The following LRRK1 variants were observed in gnomAD, a reference collection of about 807,000 sequenced individuals.
LRRK1 encodes leucine rich repeat kinase 1.
Under a neutral mutation model 209.1 loss-of-function variants are expected in LRRK1, and 113 were observed. The ratio of observed to expected loss-of-function variants is 0.54; its 90% CI spans 0.46 to 0.63. The LOEUF (loss-of-function observed/expected upper bound fraction) is 0.63, where lower values mean the gene tolerates loss of function less well. LRRK1 is among the 30% of genes least tolerant of loss of function. The pLI is 0.00. For synonymous variants in LRRK1, 1,144 were observed against 1,099.7 expected (o/e 1.04, Z -0.80); for missense variants, 2,284 against 2,632.2 (o/e 0.87, Z 2.89).
chr15:100,983,285 T>C (rs1004513367), intron 3 of LRRK1, among the ~76,000 whole-genome samples: 3 of 152,228 alleles, frequency 2.0e-5, no homozygotes, highest in African/African-American at 7.2e-5. Flanking sequence ...ACATAAATTA[T>C]TGATGAGCTA....
intron 31 of LRRK1, among the ~76,000 whole-genome samples, chr15:101,063,881 G>A (rs1046199862): frequency 1.1e-4 from 16 of 151,816 alleles, no homozygotes; most frequent in African/African-American, 3.1e-4. Flanking sequence ...GCGAGGCTAC[G>A]CAGCTTGGGA....
rs1470970844 is a variant in LRRK1, at chr15:100,934,692, C to G, written c.97+9963C>G. Among the ~76,000 whole-genome samples the G allele has an allele frequency of 5.6e-5, 8 of 142,662 alleles. No individual in the cohort carries two copies. The East Asian group carries it at 1.4e-3, about 26-fold the overall frequency. 93.6% of individuals were successfully genotyped at this position (142,662 alleles called of 152,430 possible). A position where few individuals can be genotyped will look rare whatever the true frequency, so the allele number is the denominator to read the frequency against. ...AGGCACACACCTGTGGTCCCAGCTACTTGGGGGTGCTGAGGTGGGAGGATT... is the reference window on the plus strand; with the variant it reads ...AGGCACACACCTGTGGTCCCAGCTAGTTGGGGGTGCTGAGGTGGGAGGATT... On this transcript the variant is annotated intron_variant, in intron 2 of 33. Coordinates refer to ENST00000388948, the MANE Select transcript of LRRK1 (RefSeq NM_024652.6).
chr15:100,967,959 A>G (rs1353046289), intron 2 of LRRK1, among the ~76,000 whole-genome samples: 2 of 152,226 alleles, frequency 1.3e-5, no homozygotes, highest in African/African-American at 4.8e-5. Context: ...ATAAGTTTTG[A>G]CAAATACAGC....
chr15:101,074,896 C>A lies in LRRK1; in HGVS notation c.*6048C>A, dbSNP rs541847278. ...GCCGTGTCCCATCTGTGCGGGACCC[C>A]ACTGGAAATCGGACTGTCCAACTCA... is the stretch of plus-strand genomic sequence containing the variant. On this transcript the variant is annotated 3_prime_UTR_variant, in exon 34 of 34. Coordinates refer to ENST00000388948, the MANE Select transcript of LRRK1 (RefSeq NM_024652.6). The A allele has an allele frequency of 5.9e-5, 9 of 151,816 alleles. No homozygotes were observed. The highest frequency in any genetic ancestry group is 3.4e-3 in the Middle Eastern group (1 of 294). 9.4% of individuals were successfully genotyped at this position (151,816 alleles called of 1,614,324 possible).
At chr15:101,048,853 GC>G (rs1187692368) in intron 22 of LRRK1, among the ~76,000 whole-genome samples, 196 bp downstream of exon 22, 3 of 150,418 alleles carry the variant, frequency 2.0e-5, no homozygotes, top group Admixed American at 6.6e-5. Flanking sequence ...CCCCTGCTGA[GC>G]CCCCCTTGCA....
chr15:100,942,811 G>C (rs954748061), intron 2 of LRRK1, among the ~76,000 whole-genome samples: 1 of 152,136 alleles, frequency 6.6e-6, no homozygotes, highest in African/African-American at 2.4e-5. Context: ...GTCCCCCTCT[G>C]GTTCTGTTGG....
chr15:100,972,480 G>C (rs1400180583), intron 2 of LRRK1, among the ~76,000 whole-genome samples: 1 of 151,092 alleles, frequency 6.6e-6, no homozygotes, highest in African/African-American at 2.4e-5. Context: ...TGTTTTTCAA[G>C]AAAACTTATT....
chr15:100,944,583 C>T (rs568172138), intron 2 of LRRK1, among the ~76,000 whole-genome samples: 1 of 152,318 alleles, frequency 6.6e-6, no homozygotes, highest in East Asian at 1.9e-4. Flanking sequence ...CTACCAGCTA[C>T]GGAGGACTCC....
intron 6 of LRRK1, 55 bp from the exon 7 acceptor site, chr15:101,008,782 A>G (rs2033100763): frequency 5.2e-6 from 7 of 1,350,288 alleles, no homozygotes; most frequent in Admixed American, 1.7e-5. Flanking sequence ...TTCCAAGCCC[A>G]TGTGGGCCCT....
In LRRK1 at chr15:101,071,602, A is replaced by C. The variant is rs12911171; in HGVS notation, c.*2754A>C. The C allele has an allele frequency of 0.66, 101,070 of 152,038 alleles. 34,090 individuals carry two copies. The highest frequency in any genetic ancestry group is 0.79 in the African/African-American group (32,965 of 41,474). The allele number at this position is 152,038 out of a possible 1,614,324, so 9.4% of individuals were successfully genotyped here. A position where few individuals can be genotyped will look rare whatever the true frequency, so the allele number is the denominator to read the frequency against. On this transcript the variant is annotated 3_prime_UTR_variant, in exon 34 of 34. Transcript: ENST00000388948. ...ACGGGGTTTCACCATGTTGGCCAGG[A>C]TGGTCTTGAACTCCTGAGCTCAGGT...
chr15:101,017,015 G>T (rs984327560), intron 12 of LRRK1, among the ~76,000 whole-genome samples: 9 of 152,220 alleles, frequency 5.9e-5, no homozygotes, highest in Non-Finnish European at 1.3e-4. Flanking sequence ...GTATGGAGCT[G>T]TCCCTTTCAT....
rs1752422830 is a variant in LRRK1, at chr15:101,073,726, T to C, written c.*4878T>C. On this transcript the variant is annotated 3_prime_UTR_variant, in exon 34 of 34. Transcript: ENST00000388948. ...ACCCCTTTCCCACTTTTCTGGAGAG[T>C]AAGAACCCCTGAACCGCTTCTCTCC... 6.6e-6 allele frequency: 1 copy of C among 151,222 alleles called. No homozygotes were observed. The highest frequency in any genetic ancestry group is 6.6e-5 in the Admixed American group (1 of 15,160). The allele number at this position is 151,222 out of a possible 1,614,324, so 9.4% of individuals were successfully genotyped here. A position where few individuals can be genotyped will look rare whatever the true frequency, so the allele number is the denominator to read the frequency against.
At chr15:101,023,605 CTG>C (rs1212862885) in intron 15 of LRRK1, among the ~76,000 whole-genome samples, 1 of 152,238 alleles carries the variant, frequency 6.6e-6, no homozygotes, top group African/African-American at 2.4e-5. Context: ...GGCTGCTTCA[CTG>C]TGGAAAACTG....
At chr15:100,963,687 G>A (rs2030250387) in intron 2 of LRRK1, among the ~76,000 whole-genome samples, 1 of 152,206 alleles carries the variant, frequency 6.6e-6, no homozygotes, top group Non-Finnish European at 1.5e-5. Flanking sequence ...ATGCCTAGAA[G>A]AGAAAACCGT....
At chr15:100,934,832 A>G (rs2042272174) in intron 2 of LRRK1, among the ~76,000 whole-genome samples, 1 of 150,426 alleles carries the variant, frequency 6.6e-6, no homozygotes, top group African/African-American at 2.4e-5. Context: ...AGGAAGGAAG[A>G]AGAAAACCAG....
chr15:100,972,207 C>A (rs1403854754), intron 2 of LRRK1, among the ~76,000 whole-genome samples: 1 of 152,024 alleles, frequency 6.6e-6, no homozygotes, highest in East Asian at 1.9e-4. Flanking sequence ...AAGTAATCTG[C>A]CTGCCTCGGA....
At chr15:101,030,938 A>G (rs1385730943) in intron 20 of LRRK1, among the ~76,000 whole-genome samples, 2 of 152,012 alleles carry the variant, frequency 1.3e-5, no homozygotes, top group African/African-American at 4.8e-5. Context: ...CCCAAAGTCC[A>G]TTGTGTCATT....
intron 2 of LRRK1, among the ~76,000 whole-genome samples, chr15:100,970,311 TA>T (rs1264909100): frequency 6.6e-6 from 1 of 152,220 alleles, no homozygotes; most frequent in Non-Finnish European, 1.5e-5. Flanking sequence ...CTCAAGATGA[TA>T]TTTGTATATG....
intron 2 of LRRK1, among the ~76,000 whole-genome samples, chr15:100,972,744 C>T (rs1422905108): frequency 6.6e-6 from 1 of 152,132 alleles, no homozygotes; most frequent in Non-Finnish European, 1.5e-5. Flanking sequence ...GCTTGGTCAC[C>T]TTTCACAACA....
Sources: gnomAD v4.1 joint callset for allele counts (sites outside exome capture counted in the v4.1 genomes callset) on GRCh38, gnomAD v4.1.1 for gene constraint, MANE v1.5 for transcripts, NCBI Gene and HGNC (gene_info 2026-07-23, HGNC 2026-07-21) for gene names.